SHISA9: variants seen among roughly 807,000 people sequenced by gnomAD.
SHISA9 encodes protein shisa-9.
In SHISA9, 13 loss-of-function variants were observed where a neutral mutation model predicts 38.0. The ratio of observed to expected loss-of-function variants is 0.34; its 90% CI spans 0.22 to 0.54. SHISA9 has a LOEUF of 0.54. Among genes scored for constraint, SHISA9 ranks in the 20% least tolerant of loss-of-function variants. The probability of loss-of-function intolerance (pLI) is 0.91; values close to 1 mark genes in which losing one functional copy is unlikely to be tolerated. For synonymous variants in SHISA9, 275 were observed against 242.0 expected, an observed-to-expected ratio of 1.14 and a Z score of -1.27; for missense variants, 538 against 575.8, an observed-to-expected ratio of 0.93 and a Z score of 0.67.
At chr16:13,196,025 C>A (rs775051607) in intron 2 of SHISA9, among the ~76,000 whole-genome samples, 11 of 124,832 alleles carry the variant, frequency 8.8e-5, no homozygotes, top group Non-Finnish European at 1.8e-4. Flanking sequence ...GAGGCAGAGG[C>A]TGCAGCGAGC....
the SHISA9 span, among the ~76,000 whole-genome samples, chr16:13,422,074 C>T: frequency 6.6e-6 from 1 of 152,174 alleles, no homozygotes; most frequent in African/African-American, 2.4e-5. Flanking sequence ...AGCTGGTCAG[C>T]TTTTCTTGCC....
intron 2 of SHISA9, among the ~76,000 whole-genome samples, chr16:13,092,113 C>T (rs2073781068): frequency 6.6e-6 from 1 of 152,190 alleles, no homozygotes; most frequent in East Asian, 1.9e-4. Context: ...ACCCTGTTTG[C>T]CTGGGTATCA....
chr16:13,476,497 C>G, the SHISA9 span, among the ~76,000 whole-genome samples: 10 of 152,140 alleles, frequency 6.6e-5, no homozygotes, highest in Non-Finnish European at 1.5e-4. Flanking sequence ...GACTGAACCC[C>G]TGGTGTTTGA....
chr16:13,209,919 T>C lies in SHISA9; in HGVS notation c.848-3334T>C, dbSNP rs185767759. ...ATCGAGACCATCCTGGTTAACCCAG[T>C]GAAACCCCGTCTCTACTAAAAATAC... is the stretch of plus-strand genomic sequence containing the variant. On this transcript the variant is annotated intron_variant, in intron 3 of 4. Transcript: ENST00000558583. Among the ~76,000 whole-genome samples the C allele has an allele frequency of 3.7e-4, 57 of 152,264 alleles. 1 individual carries two copies. The highest frequency in any genetic ancestry group is 8.5e-4 in the Admixed American group (13 of 15,298).
At chr16:13,308,818 G>C in the SHISA9 span, among the ~76,000 whole-genome samples, 1 of 152,132 alleles carries the variant, frequency 6.6e-6, no homozygotes, top group Non-Finnish European at 1.5e-5. Context: ...TAATTAAATC[G>C]CCATAAGATA....
chr16:13,354,118 G>C, the SHISA9 span, among the ~76,000 whole-genome samples: 6 of 149,894 alleles, frequency 4.0e-5, no homozygotes, highest in African/African-American at 1.2e-4. Context: ...AAATCCTCGA[G>C]CTTGATGTGT....
At chr16:13,445,360 A>G in the SHISA9 span, among the ~76,000 whole-genome samples, 2 of 152,180 alleles carry the variant, frequency 1.3e-5, no homozygotes, top group African/African-American at 4.8e-5. Context: ...ATGAATTTAG[A>G]TGTTAAGCTT....
the SHISA9 span, among the ~76,000 whole-genome samples, chr16:13,249,208 TC>T: frequency 2.0e-5 from 3 of 152,192 alleles, no homozygotes; most frequent in African/African-American, 7.2e-5. Flanking sequence ...GTCCAGCTGG[TC>T]CCAGTAAGGA....
At chr16:12,954,494 G>A (rs996385225) in intron 2 of SHISA9, among the ~76,000 whole-genome samples, 19 of 152,096 alleles carry the variant, frequency 1.2e-4, no homozygotes, top group African/African-American at 4.3e-4. Flanking sequence ...GTGTGTGGAG[G>A]GTTTGATGGA....
At chr16:13,137,454 TC>T (rs909002919) in intron 2 of SHISA9, among the ~76,000 whole-genome samples, 1 of 151,714 alleles carries the variant, frequency 6.6e-6, no homozygotes, top group African/African-American at 2.4e-5. Context: ...GAGGATCTAA[TC>T]TTTTTATTTT....
intron 2 of SHISA9, among the ~76,000 whole-genome samples, chr16:12,941,090 T>A (rs765807964): frequency 2.2e-4 from 33 of 152,220 alleles, no homozygotes; most frequent in Non-Finnish European, 3.7e-4. Context: ...AATGGCTTAT[T>A]CCTGTAATCC....
At chr16:13,551,496 A>G in the SHISA9 span, among the ~76,000 whole-genome samples, 1 of 152,232 alleles carries the variant, frequency 6.6e-6, no homozygotes, top group Non-Finnish European at 1.5e-5. Context: ...ATGGGCTTGC[A>G]TGTAAATCCT....
chr16:13,016,583 TTGTTTTTTGC>T (rs1196230965), intron 2 of SHISA9, among the ~76,000 whole-genome samples: 3 of 152,232 alleles, frequency 2.0e-5, no homozygotes, highest in African/African-American at 2.4e-5. Context: ...GTTGTTGTTG[TTGTTTTTTGC>T]TGTTTTTTGC....
intron 1 of SHISA9, 91 bp from the exon 2 acceptor site, chr16:12,916,597 T>C: frequency 7.0e-7 from 1 of 1,423,450 alleles, no homozygotes. Flanking sequence ...TAATCCGCCT[T>C]GCCATTTGTT....
chr16:12,989,506 C>T (rs2072356655), intron 2 of SHISA9, among the ~76,000 whole-genome samples: 1 of 152,018 alleles, frequency 6.6e-6, no homozygotes, highest in Non-Finnish European at 1.5e-5. Flanking sequence ...ATGAGTGTGG[C>T]TCTTTGGATT....
chr16:13,382,051 G>C, the SHISA9 span, among the ~76,000 whole-genome samples: 2 of 152,120 alleles, frequency 1.3e-5, no homozygotes, highest in Non-Finnish European at 2.9e-5. Context: ...TTTAAAGTTT[G>C]ATAATATAAT....
chr16:13,165,910 G>A (rs1036003040), intron 2 of SHISA9, among the ~76,000 whole-genome samples: 2 of 152,132 alleles, frequency 1.3e-5, no homozygotes, highest in East Asian at 1.9e-4. Flanking sequence ...CTAAGAAGCA[G>A]TATTGACTTC....
chr16:13,450,858 C>T, the SHISA9 span, among the ~76,000 whole-genome samples: 2 of 152,106 alleles, frequency 1.3e-5, no homozygotes, highest in Admixed American at 6.5e-5. Context: ...CTTGAGGATC[C>T]GATATGGCGG....
the SHISA9 span, among the ~76,000 whole-genome samples, chr16:13,319,264 C>T: frequency 2.6e-5 from 4 of 152,282 alleles, no homozygotes; most frequent in South Asian, 2.1e-4. Flanking sequence ...CTGCCTCAGG[C>T]GACCCAAAGT....
Sources: gnomAD v4.1 joint callset for allele counts (sites outside exome capture counted in the v4.1 genomes callset) on GRCh38, gnomAD v4.1.1 for gene constraint, MANE v1.5 for transcripts, NCBI Gene and HGNC (gene_info 2026-07-23, HGNC 2026-07-21) for gene names.